Variants in PRKCQ observed in about 807,000 individuals in gnomAD.
PRKCQ encodes the protein protein kinase C theta type.
A neutral mutation model predicts 91.2 loss-of-function variants in PRKCQ; 41 were observed. The ratio of observed to expected loss-of-function variants is 0.45; its 90% CI spans 0.35 to 0.58. PRKCQ has a LOEUF of 0.58. Among genes scored for constraint, PRKCQ ranks in the 20% least tolerant of loss-of-function variants. PRKCQ has a pLI of 0.00. For synonymous variants in PRKCQ, 307 were observed against 316.9 expected (o/e 0.97, Z 0.33); for missense variants, 673 against 896.5 (o/e 0.75, Z 3.18).
chr10:6,451,096 T>G (rs1387324205), intron 15 of PRKCQ, among the ~76,000 whole-genome samples: 1 of 149,156 alleles, frequency 6.7e-6, no homozygotes, highest in East Asian at 2.0e-4. Context: ...CTGAAGGAAA[T>G]AGAGACACAA....
chr10:6,405,141 C>T, the PRKCQ span, among the ~76,000 whole-genome samples: 6 of 152,114 alleles, frequency 3.9e-5, no homozygotes, highest in Non-Finnish European at 8.8e-5. Context: ...GCCACCACAC[C>T]CTGCTAATTT....
In PRKCQ at chr10:6,428,367, G is replaced by C; in HGVS notation, c.1966-5C>G. ...GCTGCAGTCAAATGGTGATTTCTTA[G>C]TCAGAGTTTAAGGGAAGAAAGAAAG... On this transcript the variant is annotated splice_region_variant and splice_polypyrimidine_tract_variant and intron_variant, in intron 17 of 17. Transcript: ENST00000263125. 1 of 1,611,976 alleles carries C rather than the reference G, an allele frequency of 6.2e-7. No individual in the cohort carries two copies. Among genetic ancestry groups the C allele is most frequent in the Non-Finnish European group, 8.5e-7 (1 of 1,179,190 alleles).
chr10:6,485,271 T>C lies in PRKCQ; in HGVS notation c.901-2A>G, dbSNP rs747336296. On this transcript the variant is annotated splice_acceptor_variant, in intron 9 of 17. Transcript: ENST00000263125. LOFTEE classifies it high-confidence loss of function. ...TTCAGTATCTCTTAAGCAGCGAGCC[T>C]GGATGACAAACAGAGAGTCAGACCA... 8 of 1,612,696 alleles carry C rather than the reference T, an allele frequency of 5.0e-6. No homozygotes were observed. Among genetic ancestry groups the C allele is most frequent in the Non-Finnish European group, 6.8e-6 (8 of 1,179,112 alleles).
the PRKCQ span, among the ~76,000 whole-genome samples, chr10:6,404,955 T>TCTCCTTCCTTCC: frequency 4.0e-4 from 7 of 17,306 alleles, no homozygotes; most frequent in Non-Finnish European, 8.2e-4. Flanking sequence ...TCCTTCCTTC[T>TCTCCTTCCTTCC]ATCCTTCCTT....
At chr10:6,480,033 G>GTA (rs1202179259) in intron 11 of PRKCQ, among the ~76,000 whole-genome samples, 1 of 152,162 alleles carries the variant, frequency 6.6e-6, no homozygotes. Context: ...TGTATGGCAT[G>GTA]TAGTAGGTCC....
chr10:6,491,194 T>C (rs1473018240), intron 8 of PRKCQ, among the ~76,000 whole-genome samples: 1 of 152,188 alleles, frequency 6.6e-6, no homozygotes, highest in Non-Finnish European at 1.5e-5. Context: ...TTACAGAATT[T>C]CTGTGCAGGA....
intron 1 of PRKCQ, among the ~76,000 whole-genome samples, chr10:6,573,743 G>C (rs1167940062): frequency 3.3e-5 from 5 of 152,144 alleles, no homozygotes; most frequent in African/African-American, 1.2e-4. Flanking sequence ...CTTAGCCGCA[G>C]TCCTTTAGGT....
At chr10:6,492,497 G>T (rs570893427) in intron 7 of PRKCQ, among the ~76,000 whole-genome samples, 2 of 152,266 alleles carry the variant, frequency 1.3e-5, no homozygotes, top group South Asian at 2.1e-4. Flanking sequence ...ACGAGGAAAT[G>T]AAGCACAGAG....
chr10:6,545,647 G>C (rs912463475), intron 1 of PRKCQ, among the ~76,000 whole-genome samples: 1 of 152,162 alleles, frequency 6.6e-6, no homozygotes, highest in Non-Finnish European at 1.5e-5. Context: ...ATGATGAAAA[G>C]GTTCTGGAGA....
At chr10:6,516,137 T>A (rs1646381296) in intron 1 of PRKCQ, among the ~76,000 whole-genome samples, 1 of 152,204 alleles carries the variant, frequency 6.6e-6, no homozygotes, top group Non-Finnish European at 1.5e-5. Flanking sequence ...TGCCTTTGTA[T>A]AAAGAAAGAA....
chr10:6,414,877 C>G, the PRKCQ span, among the ~76,000 whole-genome samples: 5 of 151,692 alleles, frequency 3.3e-5, no homozygotes, highest in South Asian at 8.4e-4. Flanking sequence ...CAATTGGAGA[C>G]CCAAAGGAGG....
In PRKCQ at chr10:6,430,677, C is replaced by T; in HGVS notation, c.1965+133G>A. Reference sequence around the variant, plus strand: ...GTAACATGTGTTAGAGACGTGCATTCCTCCTGGAGAGTGGGGCTGGTGGGG... The same window carrying T: ...GTAACATGTGTTAGAGACGTGCATTTCTCCTGGAGAGTGGGGCTGGTGGGG... On this transcript the variant is annotated intron_variant, in intron 17 of 17. Coordinates refer to ENST00000263125, the MANE Select transcript of PRKCQ (RefSeq NM_006257.5). This position sits in a 1 kb window ranked among gnomAD's most constrained non-coding sequence, Gnocchi z 4.7. 1.5e-6 allele frequency: 2 copies of T among 1,327,804 alleles called. No homozygotes were observed. The highest frequency in any genetic ancestry group is 1.5e-5 in the African/African-American group (1 of 68,024). The allele number at this position is 1,327,804 out of a possible 1,614,324, so 82.3% of individuals were successfully genotyped here. A position where few individuals can be genotyped will look rare whatever the true frequency, so the allele number is the denominator to read the frequency against.
intron 16 of PRKCQ, among the ~76,000 whole-genome samples, chr10:6,433,793 G>A (rs932708708): frequency 4.6e-5 from 7 of 152,124 alleles, no homozygotes; most frequent in Non-Finnish European, 7.4e-5. Context: ...CACTTTGGGA[G>A]GCTGAGGTGG....
intron 13 of PRKCQ, 122 bp from the exon 14 acceptor site, chr10:6,462,487 T>C: frequency 5.3e-6 from 4 of 761,894 alleles, no homozygotes; most frequent in Non-Finnish European, 6.5e-6. Context: ...CACATAACTC[T>C]GTTTAATCCT....
intron 1 of PRKCQ, among the ~76,000 whole-genome samples, chr10:6,577,540 T>C (rs927877196): frequency 2.6e-5 from 4 of 152,038 alleles, no homozygotes; most frequent in African/African-American, 9.7e-5. Flanking sequence ...AATTACAGAT[T>C]ACACACACAC....
At chr10:6,556,182 C>A (rs529970981) in intron 1 of PRKCQ, among the ~76,000 whole-genome samples, 1 of 152,144 alleles carries the variant, frequency 6.6e-6, no homozygotes, top group East Asian at 1.9e-4. Flanking sequence ...GTAATCCCAG[C>A]ACTTTGGGAG....
chr10:6,510,582 T>G (rs1244236051), intron 3 of PRKCQ, among the ~76,000 whole-genome samples: 1 of 152,204 alleles, frequency 6.6e-6, no homozygotes, highest in Non-Finnish European at 1.5e-5. Flanking sequence ...TAAAAAGCAT[T>G]AGAGTTGTTG....
chr10:6,564,917 A>T lies in PRKCQ; in HGVS notation c.-10+15294T>A, dbSNP rs56240948. Among the ~76,000 whole-genome samples the T allele has an allele frequency of 8.7e-3, 1,332 of 152,316 alleles. 21 individuals are homozygous for T. Among genetic ancestry groups the T allele is most frequent in the African/African-American group, 0.031 (1,287 of 41,552 alleles). On this transcript the variant is annotated intron_variant, in intron 1 of 17. Transcript: ENST00000263125. ...TTCATCCTTAATTACTTGCTACCAAATCCCATTTCAAGCCTTTGTCACACT... is the reference window on the plus strand; with the variant it reads ...TTCATCCTTAATTACTTGCTACCAATTCCCATTTCAAGCCTTTGTCACACT...
chr10:6,492,358 A>T (rs1264592220), intron 7 of PRKCQ, among the ~76,000 whole-genome samples: 1 of 152,164 alleles, frequency 6.6e-6, no homozygotes, highest in African/African-American at 2.4e-5. Context: ...TGGCAAGAGG[A>T]GGGAGCAGTT....
Sources: gnomAD v4.1 joint callset for allele counts (sites outside exome capture counted in the v4.1 genomes callset) on GRCh38, gnomAD v4.1.1 for gene constraint, Gnocchi (gnomAD v3.1) non-coding constraint, MANE v1.5 for transcripts, NCBI Gene and HGNC (gene_info 2026-07-23, HGNC 2026-07-21) for gene names.